PPM1L: variants seen among roughly 807,000 people sequenced by gnomAD.
The protein encoded by PPM1L is protein phosphatase, Mg2+/Mn2+ dependent 1L.
Under a neutral mutation model 31.4 loss-of-function variants are expected in PPM1L, and 13 were observed. The ratio of observed to expected loss-of-function variants is 0.41; its 90% confidence interval spans 0.27 to 0.66. The LOEUF is 0.66. Ranked by LOEUF, PPM1L falls within the 30% of genes least tolerant of loss-of-function variation. PPM1L has a pLI of 0.29. For synonymous variants in PPM1L, 184 were observed against 175.4 expected, an observed-to-expected ratio of 1.05 and a Z score of -0.39; for missense variants, 326 against 453.7, an observed-to-expected ratio of 0.72 and a Z score of 2.56.
intron 2 of PPM1L, among the ~76,000 whole-genome samples, chr3:160,982,051 C>T (rs1716817687): frequency 6.6e-6 from 1 of 152,182 alleles, no homozygotes; most frequent in South Asian, 2.1e-4. Flanking sequence ...CAGGCATAAG[C>T]CACTGCGCTT....
At chr3:160,856,569 T>A (rs1192321215) in intron 1 of PPM1L, among the ~76,000 whole-genome samples, 1 of 152,018 alleles carries the variant, frequency 6.6e-6, no homozygotes, top group African/African-American at 2.4e-5. Flanking sequence ...GAAAACCAAA[T>A]ACCACATGTT....
At chr3:160,760,706 AG>A (rs1278217974) in intron 1 of PPM1L, among the ~76,000 whole-genome samples, 1 of 151,914 alleles carries the variant, frequency 6.6e-6, no homozygotes, top group African/African-American at 2.4e-5. Flanking sequence ...TACAGGCAAA[AG>A]GTGGTTTTTT....
rs188298478 is a variant in PPM1L, at chr3:160,807,503, C to A, written c.399+50796C>A. ...TGAGTTTCCAATGCCAATTGCTTTTCTTTCTTCCATATTCTTCTTTGTTTT... is the reference window on the plus strand; with the variant it reads ...TGAGTTTCCAATGCCAATTGCTTTTATTTCTTCCATATTCTTCTTTGTTTT... On this transcript the variant is annotated intron_variant, in intron 1 of 3. Coordinates refer to ENST00000498165, the MANE Select transcript of PPM1L (RefSeq NM_139245.4). Among the ~76,000 whole-genome samples, 1,112 of 152,274 alleles carry A rather than the reference C, an allele frequency of 7.3e-3. 21 individuals are homozygous for A. Among genetic ancestry groups the A allele is most frequent in the African/African-American group, 0.026 (1,067 of 41,556 alleles).
intron 1 of PPM1L, among the ~76,000 whole-genome samples, chr3:160,847,610 A>C (rs1297974198): frequency 1.3e-5 from 2 of 152,158 alleles, no homozygotes; most frequent in Non-Finnish European, 2.9e-5. Context: ...AAATACCTGC[A>C]AAAACTGCAA....
intron 2 of PPM1L, among the ~76,000 whole-genome samples, chr3:160,980,197 T>A (rs1716748158): frequency 6.6e-6 from 1 of 152,102 alleles, no homozygotes; most frequent in Non-Finnish European, 1.5e-5. Flanking sequence ...AGCTTGATCT[T>A]CTTGTGTCTG....
At chr3:160,931,780 A>T (rs548480548) in intron 1 of PPM1L, among the ~76,000 whole-genome samples, 1 of 152,334 alleles carries the variant, frequency 6.6e-6, no homozygotes, top group Admixed American at 6.5e-5. Flanking sequence ...ATGCAAACCT[A>T]TTCTTCCAAA....
intron 1 of PPM1L, among the ~76,000 whole-genome samples, chr3:160,854,753 G>T (rs1206813584): frequency 6.6e-6 from 1 of 151,800 alleles, no homozygotes; most frequent in African/African-American, 2.4e-5. Context: ...TGGATAGGAA[G>T]TACCAGTATT....
At chr3:160,940,077 A>G (rs2108086550) in intron 1 of PPM1L, among the ~76,000 whole-genome samples, 1 of 152,324 alleles carries the variant, frequency 6.6e-6, no homozygotes, top group East Asian at 1.9e-4. Flanking sequence ...GTTTTAGCAA[A>G]GAGACTGGTG....
At chr3:160,962,179 T>C (rs1480285239) in intron 2 of PPM1L, among the ~76,000 whole-genome samples, 3 of 152,192 alleles carry the variant, frequency 2.0e-5, no homozygotes, top group Admixed American at 1.3e-4. Flanking sequence ...TAAAGTGTTA[T>C]TTCAACTTTG....
rs142736640 is a variant in PPM1L at position 160,854,933 on chromosome 3, A to G, written c.399+98226A>G. Among the ~76,000 whole-genome samples, 559 of 152,182 alleles carry G rather than the reference A, an allele frequency of 3.7e-3. 1 individual carries two copies. Among genetic ancestry groups the G allele is most frequent in the African/African-American group, 0.013 (528 of 41,536 alleles). ...AGCCAAAACAATCCTAAGCAAAAAA[A>G]AAACAAAGTCACAGGCATCACATTA... is the stretch of plus-strand genomic sequence containing the variant. On this transcript the variant is annotated intron_variant, in intron 1 of 3. Transcript: ENST00000498165.
intron 1 of PPM1L, among the ~76,000 whole-genome samples, chr3:160,841,289 A>G (rs2084251028): frequency 6.6e-6 from 1 of 152,074 alleles, no homozygotes; most frequent in African/African-American, 2.4e-5. Context: ...GTGTTCTCAC[A>G]GATAGGACTC....
chr3:160,904,267 C>T (rs1713665479), intron 1 of PPM1L, among the ~76,000 whole-genome samples: 1 of 152,168 alleles, frequency 6.6e-6, no homozygotes, highest in African/African-American at 2.4e-5. Context: ...ATGGTTCATC[C>T]ATATAATAAA....
Position 161,077,180 on chromosome 3 carries a change from A to G in PPM1L, c.*8023A>G, listed in dbSNP as rs1312307601. The G allele has an allele frequency of 6.6e-6, 1 of 152,270 alleles. No individual in the cohort carries two copies. Among genetic ancestry groups the G allele is most frequent in the African/African-American group, 2.4e-5 (1 of 41,472 alleles). 9.4% of individuals were successfully genotyped at this position (152,270 alleles called of 1,614,324 possible). A position where few individuals can be genotyped will look rare whatever the true frequency, so the allele number is the denominator to read the frequency against. On this transcript the variant is annotated 3_prime_UTR_variant, in exon 4 of 4. Coordinates refer to ENST00000498165, the MANE Select transcript of PPM1L (RefSeq NM_139245.4). ...CCAATGGGCTTAGATTTGTTGGGAC[A>G]GGGCAGAATTAGAATAATTATTTCT...
intron 1 of PPM1L, among the ~76,000 whole-genome samples, chr3:160,792,989 G>A (rs905138394): frequency 2.0e-5 from 3 of 152,174 alleles, no homozygotes; most frequent in African/African-American, 7.2e-5. Flanking sequence ...TTAGACTGGG[G>A]TTATGGTTTT....
intron 1 of PPM1L, among the ~76,000 whole-genome samples, chr3:160,844,114 C>T (rs1308450734): frequency 1.3e-5 from 2 of 152,180 alleles, no homozygotes; most frequent in African/African-American, 4.8e-5. Context: ...CTCCCTCTGC[C>T]ACTCACCACT....
intron 1 of PPM1L, among the ~76,000 whole-genome samples, chr3:160,913,312 C>T (rs892025232): frequency 2.0e-5 from 3 of 152,062 alleles, no homozygotes; most frequent in Admixed American, 1.3e-4. Flanking sequence ...TTGGTGTAGA[C>T]AGTGAACCCT....
intron 2 of PPM1L, among the ~76,000 whole-genome samples, chr3:161,020,234 A>T (rs994620524): frequency 7.2e-5 from 11 of 152,214 alleles, no homozygotes; most frequent in African/African-American, 2.7e-4. Flanking sequence ...ACATATATTT[A>T]AGTCCTGAAC....
intron 1 of PPM1L, among the ~76,000 whole-genome samples, chr3:160,869,714 A>ATG (rs1434240245): frequency 1.5e-4 from 13 of 85,626 alleles, no homozygotes; most frequent in Admixed American, 1.3e-4. Flanking sequence ...CTTTGGTGCA[A>ATG]TGTATGTGTG....
In PPM1L at chr3:160,869,613, A is replaced by G. The variant is rs113998448; in HGVS notation, c.400-92123A>G. Reference sequence around the variant, plus strand: ...TCTATTGTTTTTTTCCAAAAATTGTATGACATATATTGATTTCAGAGATGT... The same window carrying G: ...TCTATTGTTTTTTTCCAAAAATTGTGTGACATATATTGATTTCAGAGATGT... On this transcript the variant is annotated intron_variant, in intron 1 of 3. Coordinates refer to ENST00000498165, the MANE Select transcript of PPM1L (RefSeq NM_139245.4). 4.1e-3 allele frequency among the ~76,000 whole-genome samples: 626 copies of G among 152,264 alleles called. 4 individuals are homozygous for G. Among genetic ancestry groups the G allele is most frequent in the African/African-American group, 0.014 (600 of 41,536 alleles).
Sources: allele counts gnomAD v4.1 joint callset (sites outside exome capture counted in the v4.1 genomes callset), GRCh38; gene constraint gnomAD v4.1.1; transcripts MANE v1.5; gene names NCBI Gene and HGNC (gene_info 2026-07-23, HGNC 2026-07-21).